EIF2AK3: variants seen among roughly 807,000 people sequenced by gnomAD.
EIF2AK3 encodes eukaryotic translation initiation factor 2 alpha kinase 3, also known as eukaryotic translation initiation factor 2-alpha kinase 3.
Under a neutral mutation model 113.5 loss-of-function variants are expected in EIF2AK3, and 50 were observed. The observed-to-expected ratio is 0.44, with a 90% CI of 0.35 to 0.56. The LOEUF (loss-of-function observed/expected upper bound fraction) is 0.56. Ranked by LOEUF, EIF2AK3 falls within the 20% of genes least tolerant of loss-of-function variation. EIF2AK3 has a pLI of 0.00. For synonymous variants in EIF2AK3, 448 were observed against 495.4 expected (o/e 0.90, Z 1.27); for missense variants, 1,185 against 1,378.0 (o/e 0.86, Z 2.22).
intron 2 of EIF2AK3, among the ~76,000 whole-genome samples, chr2:88,608,851 G>A (rs1360553264): frequency 6.7e-6 from 1 of 150,324 alleles, no homozygotes; most frequent in Non-Finnish European, 1.5e-5. Context: ...GGAACTACAG[G>A]TGCATGTCAC....
rs528001223 is a variant in EIF2AK3, at chr2:88,567,913, G to GT, written c.2985+2960dup. Among the ~76,000 whole-genome samples, 50 of 151,370 alleles carry GT rather than the reference G, an allele frequency of 3.3e-4. 2 individuals are homozygous for GT. The East Asian group carries it at 7.8e-3, about 24-fold the overall frequency. The stretch of plus-strand genomic sequence containing the variant: ...AAAGGTGTACACATTTCTGCATTTT[G>GT]TTTTTTTTCACTTAAGATACTTTTT... On this transcript the variant is annotated intron_variant, in intron 14 of 16. Coordinates refer to ENST00000303236, the MANE Select transcript of EIF2AK3 (RefSeq NM_004836.7).
chr2:88,625,316 C>T (rs1675832962), intron 1 of EIF2AK3, among the ~76,000 whole-genome samples: 1 of 148,754 alleles, frequency 6.7e-6, no homozygotes, highest in Admixed American at 6.8e-5. Context: ...CACACACACA[C>T]ACACACACAC....
At position 88,557,893 on chromosome 2, in the gene EIF2AK3, C is replaced by T. The variant is rs1332444284; in HGVS notation, c.3194G>A (p.Arg1065Gln). Residue 1065 changes from arginine to glutamine, a missense_variant, in exon 17 of 17, where the codon CGA (arginine) becomes CAA (glutamine). By Grantham distance (43) the Arg-to-Gln change is conservative. Coordinates refer to ENST00000303236, the MANE Select transcript of EIF2AK3 (RefSeq NM_004836.7). ...TTCAATGATGTTTATAGCTTCAGGT[C>T]GTTCCATGGGGGATGGAGAGAGCAT... ...QDMLSPSPME[R>Q]PEAINIIENA... The T allele has an allele frequency of 1.2e-6, 2 of 1,614,080 alleles. No individual in the cohort carries two copies. Among genetic ancestry groups the T allele is most frequent in the Non-Finnish European group, 1.7e-6 (2 of 1,179,978 alleles).
intron 9 of EIF2AK3, among the ~76,000 whole-genome samples, chr2:88,584,245 G>A (rs1357948882): frequency 6.6e-6 from 1 of 152,094 alleles, no homozygotes; most frequent in Admixed American, 6.6e-5. Context: ...GGCCAGGCGT[G>A]GTGGCTCATG....
chr2:88,597,562 A>G (rs1167982164), intron 2 of EIF2AK3, among the ~76,000 whole-genome samples: 3 of 152,202 alleles, frequency 2.0e-5, no homozygotes, highest in Non-Finnish European at 4.4e-5. Context: ...GAAATCAGGC[A>G]TGGTTATTTA....
At chr2:88,619,916 A>C (rs1478902866) in intron 1 of EIF2AK3, among the ~76,000 whole-genome samples, 1 of 146,930 alleles carries the variant, frequency 6.8e-6, no homozygotes, top group Admixed American at 7.1e-5. Flanking sequence ...AGATTGCACC[A>C]CTGCACTCCA....
chr2:88,627,495 C>A (rs1675903549), upstream of EIF2AK3: 1 of 502,528 alleles, frequency 2.0e-6, no homozygotes, highest in Admixed American at 4.5e-5. Context: ...AGCAAACTTT[C>A]CGCGCGTTTG....
Position 88,620,730 on chromosome 2 carries a change from G to A in EIF2AK3, c.308+6237C>T, listed in dbSNP as rs142462780. Among the ~76,000 whole-genome samples, 1,109 of 152,164 alleles carry A rather than the reference G, an allele frequency of 7.3e-3. 6 individuals are homozygous for A. The highest frequency in any genetic ancestry group is 0.011 in the Non-Finnish European group (782 of 68,006). On this transcript the variant is annotated intron_variant, in intron 1 of 16. Coordinates refer to ENST00000303236, the MANE Select transcript of EIF2AK3 (RefSeq NM_004836.7). ...CTGTCCTTGATATTTTTCTCATTCC[G>A]GGACTCAATAACTTGCCACTTCCAT...
chr2:88,606,194 T>G (rs2104458278), intron 2 of EIF2AK3, among the ~76,000 whole-genome samples: 1 of 152,288 alleles, frequency 6.6e-6, no homozygotes, highest in East Asian at 1.9e-4. Context: ...TAAGCATACT[T>G]CTCACAGTCA....
At chr2:88,580,217 C>T (rs1190636832) in intron 10 of EIF2AK3, among the ~76,000 whole-genome samples, 1 of 152,216 alleles carries the variant, frequency 6.6e-6, no homozygotes, top group African/African-American at 2.4e-5. Flanking sequence ...CTGTCACTCA[C>T]AGGGGCCTCC....
At position 88,585,969 on chromosome 2, in the gene EIF2AK3, T is replaced by C; in HGVS notation, c.1522A>G (p.Lys508Glu). ...ACAGGATCCTTTTTGCGGATATTCT[T>C]GTTGTAATGTGGGTTGTCGAGGAAT... ...VRFLDNPHYNKNIRKKDPVLL... is the reference protein window; with the variant it reads ...VRFLDNPHYNENIRKKDPVLL... Residue 508 changes from lysine to glutamate, a missense_variant, in exon 9 of 17, where the codon AAG becomes GAG. Around this residue, in one of 3 missense-constraint regions of EIF2AK3, gnomAD observed 877 missense variants for 1,024.2 expected, o/e 0.86. Transcript: ENST00000303236. 6.2e-7 allele frequency: 1 copy of C among 1,614,190 alleles called. No individual in the cohort carries two copies. The highest frequency in any genetic ancestry group is 8.5e-7 in the Non-Finnish European group (1 of 1,180,000).
intron 16 of EIF2AK3, 115 bp downstream of exon 16, chr2:88,558,802 C>T (rs1462755530): frequency 1.2e-6 from 1 of 839,542 alleles, no homozygotes; most frequent in Non-Finnish European, 1.9e-6. Flanking sequence ...TCTCTTTCCT[C>T]TCTAGACCTT....
Position 88,585,850 on chromosome 2 carries a change from A to T in EIF2AK3, c.1641T>A (p.His547Gln), listed in dbSNP as rs779080859. 18 of 1,613,616 alleles carry T rather than the reference A, an allele frequency of 1.1e-5. 1 individual carries two copies. The South Asian group carries it at 2.0e-4, about 18-fold the overall frequency. The change falls in exon 9 of 17, where the codon CAT (histidine) becomes CAA (glutamine). Residue 547 changes from histidine (H) to glutamine (Q), a missense_variant. By Grantham distance (24) the His-to-Gln change is conservative. Around this residue, in one of 3 missense-constraint regions of EIF2AK3, gnomAD observed 877 missense variants for 1,024.2 expected, o/e 0.86. Transcript: ENST00000303236. The stretch of plus-strand genomic sequence containing the variant: ...CAACCATGATTCTTACCCTGTGAGG[A>T]TGAGGATGGAAAAGCCTGCGCACAA... ...TFIVRRLFHPHPHRQRKESET... is the reference protein window; with the variant it reads ...TFIVRRLFHPQPHRQRKESET...
intron 2 of EIF2AK3, among the ~76,000 whole-genome samples, chr2:88,606,931 C>T (rs1014924758): frequency 6.6e-6 from 1 of 151,798 alleles, no homozygotes; most frequent in Non-Finnish European, 1.5e-5. Context: ...TAAGTTTAGA[C>T]GATAGAGTTG....
At chr2:88,608,650 AT>A (rs890212448) in intron 2 of EIF2AK3, among the ~76,000 whole-genome samples, 3 of 144,814 alleles carry the variant, frequency 2.1e-5, no homozygotes, top group African/African-American at 7.6e-5. Context: ...TGAAGGTAGT[AT>A]TACTCTATGC....
chr2:88,580,149 C>G (rs1453489603), intron 10 of EIF2AK3, among the ~76,000 whole-genome samples: 1 of 152,152 alleles, frequency 6.6e-6, no homozygotes, highest in Non-Finnish European at 1.5e-5. Context: ...TGGGTTGCCC[C>G]ACGAGTCAGT....
chr2:88,580,220 G>A (rs1674565709), intron 10 of EIF2AK3, among the ~76,000 whole-genome samples: 1 of 152,064 alleles, frequency 6.6e-6, no homozygotes, highest in African/African-American at 2.4e-5. Flanking sequence ...TCACTCACAG[G>A]GGCCTCCACT....
chr2:88,576,105 G>GC (rs1674450574), intron 12 of EIF2AK3, among the ~76,000 whole-genome samples: 3 of 152,174 alleles, frequency 2.0e-5, no homozygotes. Flanking sequence ...ATTGTTAACT[G>GC]CTAAGAGAAC....
rs376945743 is a variant in EIF2AK3, at chr2:88,565,824, TAC to T, written c.2986-3436_2986-3435del. On this transcript the variant is annotated intron_variant, in intron 14 of 16. Transcript: ENST00000303236. ...GTATTTATAGTATTTTGATATTTCA[TAC>T]AGTTTTAATTTTTCCTTTCACCACC... is the stretch of plus-strand genomic sequence containing the variant. Among the ~76,000 whole-genome samples, 376 of 152,336 alleles carry T rather than the reference TAC, an allele frequency of 2.5e-3. 4 individuals are homozygous for T. The highest frequency in any genetic ancestry group is 8.9e-3 in the African/African-American group (369 of 41,582).
Sources: allele counts gnomAD v4.1 joint callset (sites outside exome capture counted in the v4.1 genomes callset), GRCh38; gene constraint gnomAD v4.1.1; regional missense constraint gnomAD v4.1.1; transcripts MANE v1.5; gene names NCBI Gene and HGNC (gene_info 2026-07-23, HGNC 2026-07-21).